The following COP1 variants were observed in gnomAD, a reference collection of about 807,000 sequenced individuals.
The protein encoded by COP1 is E3 ubiquitin-protein ligase COP1.
In COP1, 24 loss-of-function variants were observed where a neutral mutation model predicts 101.3. That is an observed-to-expected ratio of 0.24 (90% CI 0.17 to 0.33). COP1 has a LOEUF of 0.33. COP1 is among the 10% of genes least tolerant of loss of function. The pLI is 1.00. For synonymous variants in COP1, 347 were observed against 341.9 expected, an observed-to-expected ratio of 1.01 and a Z score of -0.17; for missense variants, 663 against 906.2, an observed-to-expected ratio of 0.73 and a Z score of 3.45.
chr1:175,999,918 G>C (rs1163838191), intron 15 of COP1, among the ~76,000 whole-genome samples: 1 of 151,994 alleles, frequency 6.6e-6, no homozygotes, highest in Non-Finnish European at 1.5e-5. Context: ...TTTGAGAAAT[G>C]TCTATTCAAA....
chr1:175,994,356 T>C (rs201478881), intron 15 of COP1, among the ~76,000 whole-genome samples: 61 of 152,068 alleles, frequency 4.0e-4, no homozygotes, highest in East Asian at 2.3e-3. Context: ...AAATAACCAG[T>C]TAACATCATA....
intron 19 of COP1, 36 bp downstream of exon 19, chr1:175,947,159 C>T: frequency 2.1e-6 from 3 of 1,455,950 alleles, no homozygotes; most frequent in African/African-American, 1.4e-5. Context: ...TAAAAATGGG[C>T]CTGAGTTTAA....
intron 6 of COP1, among the ~76,000 whole-genome samples, chr1:176,142,978 A>T (rs943714548): frequency 6.6e-6 from 1 of 152,066 alleles, no homozygotes; most frequent in Non-Finnish European, 1.5e-5. Flanking sequence ...GTAAAACCAA[A>T]GAAAGCAGGA....
At chr1:175,950,593 G>C (rs370279659) in intron 18 of COP1, among the ~76,000 whole-genome samples, 1 of 152,206 alleles carries the variant, frequency 6.6e-6, no homozygotes, top group African/African-American at 2.4e-5. Flanking sequence ...TAGCTCAACA[G>C]GTTATTTTTT....
intron 5 of COP1, chr1:176,160,328 C>A (rs760933072): frequency 4.8e-4 from 163 of 342,202 alleles, no homozygotes; most frequent in Non-Finnish European, 8.0e-4. Flanking sequence ...AGGTTTGTTA[C>A]CTAGGCAATA....
At chr1:176,085,247 A>G (rs1472701158) in intron 10 of COP1, among the ~76,000 whole-genome samples, 6 of 151,744 alleles carry the variant, frequency 4.0e-5, no homozygotes, top group Non-Finnish European at 7.4e-5. Flanking sequence ...CCCATTTTCA[A>G]TTCGGCCTGG....
chr1:176,172,921 A>T (rs919098639), intron 3 of COP1, among the ~76,000 whole-genome samples: 2 of 152,166 alleles, frequency 1.3e-5, no homozygotes, highest in African/African-American at 4.8e-5. Context: ...ACACAAATAG[A>T]TGTATCAGGA....
intron 18 of COP1, among the ~76,000 whole-genome samples, chr1:175,963,254 TTC>T (rs1651602934): frequency 6.6e-6 from 1 of 152,250 alleles, no homozygotes; most frequent in African/African-American, 2.4e-5. Flanking sequence ...CTTTTTTTTT[TTC>T]TCTCAGTATG....
intron 9 of COP1, 38 bp downstream of exon 9, chr1:176,116,586 C>T (rs1489629614): frequency 2.0e-6 from 3 of 1,466,560 alleles, no homozygotes; most frequent in African/African-American, 1.4e-5. Context: ...GATAATTATA[C>T]TCATGGTATC....
At chr1:176,165,469 T>A (rs546044376) in intron 3 of COP1, among the ~76,000 whole-genome samples, 1 of 151,096 alleles carries the variant, frequency 6.6e-6, no homozygotes, top group East Asian at 2.0e-4. Flanking sequence ...CCAAGGTGGG[T>A]GGATCACCTG....
In COP1 at chr1:176,181,105, G is replaced by A. The variant is rs149694709; in HGVS notation, c.467+3528C>T. Among the ~76,000 whole-genome samples, 389 of 152,232 alleles carry A rather than the reference G, an allele frequency of 2.6e-3. 3 individuals are homozygous for A. Among genetic ancestry groups the A allele is most frequent in the African/African-American group, 9.0e-3 (373 of 41,544 alleles). On this transcript the variant is annotated intron_variant, in intron 2 of 19. Transcript: ENST00000367669. ...TATTATATCATTGTATTTCAGTTAG[G>A]CTACAGATACAGGTAACAGTGGGTT... is the stretch of plus-strand genomic sequence containing the variant.
Position 176,004,496 on chromosome 1 carries a change from G to C in COP1, c.1730-15017C>G, listed in dbSNP as rs1276004658. ...TGATAATGGCTGTGGGTTTGTCATAGATAGTTCTTATTATTTTGAAATACG... is the reference window on the plus strand; with the variant it reads ...TGATAATGGCTGTGGGTTTGTCATACATAGTTCTTATTATTTTGAAATACG... On this transcript the variant is annotated intron_variant, in intron 15 of 19. Transcript: ENST00000367669. Among the ~76,000 whole-genome samples, 6 of 149,132 alleles carry C rather than the reference G, an allele frequency of 4.0e-5. 1 individual carries two copies. In the Admixed American group the frequency reaches 4.0e-4, roughly 10 times the overall value.
intron 14 of COP1, among the ~76,000 whole-genome samples, chr1:176,038,654 C>T (rs1240672771): frequency 6.6e-6 from 1 of 151,946 alleles, no homozygotes; most frequent in African/African-American, 2.4e-5. Flanking sequence ...GCCATCTCTA[C>T]TAAAAATACA....
At chr1:176,108,974 C>T (rs183438639) in intron 9 of COP1, among the ~76,000 whole-genome samples, 59 of 151,930 alleles carry the variant, frequency 3.9e-4, no homozygotes, top group African/African-American at 1.2e-3. Context: ...TAGCTGGGCG[C>T]GGTGGTGCGC....
chr1:175,967,573 G>A (rs894127395), intron 18 of COP1, among the ~76,000 whole-genome samples: 1 of 152,156 alleles, frequency 6.6e-6, no homozygotes, highest in African/African-American at 2.4e-5. Context: ...GTAGGTGGGA[G>A]CAACCTCTCC....
At chr1:176,074,326 T>C (rs1677568195) in intron 11 of COP1, among the ~76,000 whole-genome samples, 1 of 152,166 alleles carries the variant, frequency 6.6e-6, no homozygotes, top group African/African-American at 2.4e-5. Flanking sequence ...TGTTTGAATA[T>C]AAGAAAGTAA....
intron 11 of COP1, among the ~76,000 whole-genome samples, chr1:176,058,423 A>G (rs1298755836): frequency 6.6e-6 from 1 of 152,196 alleles, no homozygotes; most frequent in East Asian, 1.9e-4. Context: ...CTCTGTACTA[A>G]GAAAAATTCT....
chr1:176,159,354 C>A (rs1325543557), intron 5 of COP1, among the ~76,000 whole-genome samples: 1 of 152,192 alleles, frequency 6.6e-6, no homozygotes, highest in Non-Finnish European at 1.5e-5. Context: ...CACACATACA[C>A]ACACACAAAC....
At chr1:176,097,271 C>T (rs186607836) in intron 9 of COP1, among the ~76,000 whole-genome samples, 7 of 152,104 alleles carry the variant, frequency 4.6e-5, no homozygotes, top group Non-Finnish European at 1.0e-4. Flanking sequence ...TTCCTTGCCA[C>T]TCTCAATGCA....
Sources: gnomAD v4.1 joint callset for allele counts (sites outside exome capture counted in the v4.1 genomes callset) on GRCh38, gnomAD v4.1.1 for gene constraint, MANE v1.5 for transcripts, NCBI Gene and HGNC (gene_info 2026-07-23, HGNC 2026-07-21) for gene names.